Variants in PTPN14 observed in about 807,000 individuals in gnomAD.
The protein encoded by PTPN14 is tyrosine-protein phosphatase non-receptor type 14.
A neutral mutation model predicts 126.8 loss-of-function variants in PTPN14; 53 were observed. The ratio of observed to expected loss-of-function variants is 0.42; its 90% CI spans 0.34 to 0.53. The LOEUF (loss-of-function observed/expected upper bound fraction) is 0.53, where lower values mean the gene tolerates loss of function less well. Among genes scored for constraint, PTPN14 ranks in the 20% least tolerant of loss-of-function variants. The pLI is 0.08. For synonymous variants in PTPN14, 630 were observed against 599.3 expected (o/e 1.05, Z -0.75); for missense variants, 1,257 against 1,552.9 (o/e 0.81, Z 3.20).
Position 214,354,011 on chromosome 1 carries a change from G to C in PTPN14, c.*3911C>G, listed in dbSNP as rs1463962950. 1 of 152,234 alleles carries C rather than the reference G, an allele frequency of 6.6e-6. No individual in the cohort carries two copies. Among genetic ancestry groups the C allele is most frequent in the East Asian group, 1.9e-4 (1 of 5,200 alleles). 9.4% of individuals were successfully genotyped at this position (152,234 alleles called of 1,614,324 possible). The stretch of plus-strand genomic sequence containing the variant: ...ATCAGCTGGATGAAAAGGCCAGCCT[G>C]CTGTACCCACTGGAGTTTATAACTG... On this transcript the variant is annotated 3_prime_UTR_variant, in exon 19 of 19. Coordinates refer to ENST00000366956, the MANE Select transcript of PTPN14 (RefSeq NM_005401.5).
rs1236902447 is a variant in PTPN14, at chr1:214,411,532, AGT to A, written c.510+150_510+151del. ...CAGAAGAAGGCATTTTTACCTTCTC[AGT>A]GTGTTTTATAAAACTTGCCCCTACT... On this transcript the variant is annotated intron_variant, in intron 5 of 18. Coordinates refer to ENST00000366956, the MANE Select transcript of PTPN14 (RefSeq NM_005401.5). 4 of 508,192 alleles carry A rather than the reference AGT, an allele frequency of 7.9e-6. No individual in the cohort carries two copies. The East Asian group carries it at 1.0e-4, about 13-fold the overall frequency. The allele number at this position is 508,192 out of a possible 1,614,324, so 31.5% of individuals were successfully genotyped here. A position where few individuals can be genotyped will look rare whatever the true frequency, so the allele number is the denominator to read the frequency against.
intron 4 of PTPN14, among the ~76,000 whole-genome samples, chr1:214,412,562 AAC>A (rs1379083408): frequency 6.6e-6 from 1 of 152,248 alleles, no homozygotes. Flanking sequence ...AAGAATAGCA[AAC>A]ATCACTCACT....
At chr1:214,490,297 T>A (rs1224699594) in intron 1 of PTPN14, among the ~76,000 whole-genome samples, 4 of 152,236 alleles carry the variant, frequency 2.6e-5, no homozygotes, top group Non-Finnish European at 4.4e-5. Flanking sequence ...AGCATTTCCC[T>A]GGGAATTGAT....
intron 1 of PTPN14, among the ~76,000 whole-genome samples, chr1:214,490,923 AAAG>A (rs1661226390): frequency 1.2e-5 from 1 of 83,646 alleles, no homozygotes; most frequent in Non-Finnish European, 2.5e-5. Context: ...GGAAGGAAAG[AAAG>A]GAAGGAAAGA....
chr1:214,355,831 T>A lies in PTPN14; in HGVS notation c.*2091A>T, dbSNP rs1228709006. On this transcript the variant is annotated 3_prime_UTR_variant, in exon 19 of 19. Coordinates refer to ENST00000366956, the MANE Select transcript of PTPN14 (RefSeq NM_005401.5). ...TTTGATGTCACTCCATCTTTTTAGC[T>A]CACGGGGGACAAAAGCAGCAATGAA... is the stretch of plus-strand genomic sequence containing the variant. 1.3e-5 allele frequency: 2 copies of A among 152,038 alleles called. No homozygotes were observed. Among genetic ancestry groups the A allele is most frequent in the Non-Finnish European group, 2.9e-5 (2 of 68,006 alleles). The allele number at this position is 152,038 out of a possible 1,614,324, so 9.4% of individuals were successfully genotyped here.
At chr1:214,494,358 G>A (rs1306434833) in intron 1 of PTPN14, among the ~76,000 whole-genome samples, 2 of 152,026 alleles carry the variant, frequency 1.3e-5, no homozygotes, top group Non-Finnish European at 2.9e-5. Flanking sequence ...CACAGCACCC[G>A]GCCCCTCCTC....
chr1:214,379,327 G>A (rs951470171), intron 13 of PTPN14, among the ~76,000 whole-genome samples: 4 of 152,082 alleles, frequency 2.6e-5, no homozygotes, highest in African/African-American at 4.8e-5. Context: ...AGGTCTTGAC[G>A]GAGCCATCCC....
In PTPN14 at chr1:214,356,782, T is replaced by G. The variant is rs1390073989; in HGVS notation, c.*1140A>C. 1 of 152,208 alleles carries G rather than the reference T, an allele frequency of 6.6e-6. No individual in the cohort carries two copies. Among genetic ancestry groups the G allele is most frequent in the Non-Finnish European group, 1.5e-5 (1 of 68,048 alleles). The allele number at this position is 152,208 out of a possible 1,614,324, so 9.4% of individuals were successfully genotyped here. On this transcript the variant is annotated 3_prime_UTR_variant, in exon 19 of 19. Coordinates refer to ENST00000366956, the MANE Select transcript of PTPN14 (RefSeq NM_005401.5). Reference sequence around the variant, plus strand: ...GATATCAGCACAGCGGGGGTCACATTTGATGTGTTTCCTGGCCAGGACCCC... The same window carrying G: ...GATATCAGCACAGCGGGGGTCACATGTGATGTGTTTCCTGGCCAGGACCCC...
intron 3 of PTPN14, among the ~76,000 whole-genome samples, chr1:214,428,632 T>A (rs1056697111): frequency 6.6e-6 from 1 of 152,196 alleles, no homozygotes; most frequent in Non-Finnish European, 1.5e-5. Flanking sequence ...CTGATTTCTA[T>A]TATTTGACTT....
At chr1:214,445,340 G>A (rs1008956384) in intron 3 of PTPN14, among the ~76,000 whole-genome samples, 1 of 152,154 alleles carries the variant, frequency 6.6e-6, no homozygotes, top group Non-Finnish European at 1.5e-5. Context: ...TGGAATGACC[G>A]TGCTGGCTAC....
intron 5 of PTPN14, among the ~76,000 whole-genome samples, chr1:214,408,251 A>T (rs1219445131): frequency 6.6e-6 from 1 of 152,214 alleles, no homozygotes; most frequent in Non-Finnish European, 1.5e-5. Context: ...TTAGTCCCCC[A>T]GGTCAGTGCT....
At chr1:214,481,786 T>A (rs890603362) in intron 1 of PTPN14, among the ~76,000 whole-genome samples, 1 of 151,484 alleles carries the variant, frequency 6.6e-6, no homozygotes, top group East Asian at 2.0e-4. Context: ...GAGATCAAGA[T>A]CATCCTGGCT....
chr1:214,378,101 T>G lies in PTPN14; in HGVS notation c.2546A>C (p.Asn849Thr), dbSNP rs777200331. The G allele has an allele frequency of 1.2e-6, 2 of 1,607,720 alleles. No homozygotes were observed. Among genetic ancestry groups the G allele is most frequent in the South Asian group, 2.2e-5 (2 of 90,796 alleles). ...GCCTGCCATCTTCTGCTTCTCTAGA[T>G]TCTTGCGGCAAGAAAAGGCATGTGC... ...SIIEREMMIR[N>T]LEKQKMAGLE... is the part of the protein sequence containing the mutation. Residue 849 changes from asparagine to threonine, a missense_variant and splice_region_variant, in exon 14 of 19, where the codon AAT (asparagine) becomes ACT (threonine). Physicochemically the swap from Asn to Thr is moderately conservative, Grantham distance 65. Coordinates refer to ENST00000366956, the MANE Select transcript of PTPN14 (RefSeq NM_005401.5).
chr1:214,489,992 A>G (rs1381651145), intron 1 of PTPN14, among the ~76,000 whole-genome samples: 1 of 152,240 alleles, frequency 6.6e-6, no homozygotes, highest in Non-Finnish European at 1.5e-5. Context: ...TAAGTGACAC[A>G]TATGTTAATA....
chr1:214,489,099 T>C (rs1264465588), intron 1 of PTPN14, among the ~76,000 whole-genome samples: 1 of 152,170 alleles, frequency 6.6e-6, no homozygotes, highest in African/African-American at 2.4e-5. Context: ...AAAAGGAAGA[T>C]AGTGACAATA....
intron 1 of PTPN14, among the ~76,000 whole-genome samples, chr1:214,515,794 G>T (rs1220176523): frequency 6.8e-6 from 1 of 147,168 alleles, no homozygotes; most frequent in Non-Finnish European, 1.5e-5. Context: ...GTGAAGAAAA[G>T]AAAAAAAAAA....
chr1:214,495,757 C>T (rs1373348259), intron 1 of PTPN14, among the ~76,000 whole-genome samples: 4 of 152,048 alleles, frequency 2.6e-5, no homozygotes, highest in Admixed American at 6.6e-5. Flanking sequence ...TGCAATGGTG[C>T]GATCTCAGCT....
intron 3 of PTPN14, among the ~76,000 whole-genome samples, chr1:214,440,575 T>A (rs1176814015): frequency 2.0e-5 from 3 of 152,328 alleles, no homozygotes; most frequent in African/African-American, 7.2e-5. Context: ...AAATGAGCAC[T>A]TAGGGAAGTT....
intron 1 of PTPN14, among the ~76,000 whole-genome samples, chr1:214,514,913 T>A (rs574997105): frequency 6.6e-6 from 1 of 152,304 alleles, no homozygotes; most frequent in Admixed American, 6.5e-5. Flanking sequence ...GAGGCATCGG[T>A]ACAAGTCACA....
Sources: allele counts gnomAD v4.1 joint callset (sites outside exome capture counted in the v4.1 genomes callset), GRCh38; gene constraint gnomAD v4.1.1; transcripts MANE v1.5; gene names NCBI Gene and HGNC (gene_info 2026-07-23, HGNC 2026-07-21).